C19orf38: variants seen among roughly 807,000 people sequenced by gnomAD.
C19orf38 encodes protein HIDE1.
In C19orf38, 14 loss-of-function variants were observed where a neutral mutation model predicts 26.6. The observed-to-expected ratio is 0.53, with a 90% CI of 0.35 to 0.82. C19orf38 has a LOEUF of 0.82. Ranked by LOEUF, C19orf38 falls within the 40% of genes least tolerant of loss-of-function variation. The pLI, the probability that C19orf38 is intolerant of heterozygous loss-of-function variation, is 0.01. For synonymous variants in C19orf38, 132 were observed against 128.5 expected, an observed-to-expected ratio of 1.03 and a Z score of -0.18; for missense variants, 261 against 299.5, an observed-to-expected ratio of 0.87 and a Z score of 0.95.
chr19:10,867,641 CTTTTTTTTTTT>C (rs953156656), intron 6 of C19orf38, among the ~76,000 whole-genome samples: 45 of 58,824 alleles, frequency 7.6e-4, no homozygotes, highest in South Asian at 2.5e-3. Context: ...GAAGAACATT[CTTTTTTTTTTT>C]TTTTTTTTTT....
intron 2 of C19orf38, among the ~76,000 whole-genome samples, chr19:10,853,679 TC>T (rs1212918902): frequency 7.1e-6 from 1 of 141,756 alleles, no homozygotes; most frequent in Non-Finnish European, 1.5e-5. Context: ...AACCTCTGCC[TC>T]CCGGGTTCAA....
intron 1 of C19orf38, among the ~76,000 whole-genome samples, chr19:10,840,806 C>T (rs1283977945): frequency 1.3e-5 from 2 of 152,180 alleles, no homozygotes; most frequent in African/African-American, 4.8e-5. Flanking sequence ...CGTAAGCCAC[C>T]GCGCCCAGCC....
At chr19:10,859,346 G>T (rs1599668100) in intron 4 of C19orf38, among the ~76,000 whole-genome samples, 1 of 44,116 alleles carries the variant, frequency 2.3e-5, no homozygotes, top group African/African-American at 1.1e-4. Context: ...GTGTGTGTGT[G>T]TGTATATATA....
intron 2 of C19orf38, 71 bp downstream of exon 2, chr19:10,850,638 T>G: frequency 6.8e-7 from 1 of 1,476,924 alleles, no homozygotes; most frequent in South Asian, 1.2e-5. Context: ...TGTGTACTGT[T>G]GACTCAGAGG....
At chr19:10,868,095 A>G (rs188509868) in intron 6 of C19orf38, among the ~76,000 whole-genome samples, 4 of 151,844 alleles carry the variant, frequency 2.6e-5, no homozygotes, top group Non-Finnish European at 5.9e-5. Context: ...TGGGTATGCA[A>G]ATTTCTTTTG....
Position 10,848,488 on chromosome 19 carries a change from C to G in C19orf38, c.-21C>G. On this transcript the variant is annotated 5_prime_UTR_variant, in exon 1 of 7. Transcript: ENST00000397820. ...GGCCCCTCTGGCCTCAGCCGGATTT[C>G]CCAGCCAAACGCAGAGAGAGATGCC... 1 of 1,551,602 alleles carries G rather than the reference C, an allele frequency of 6.4e-7. No homozygotes were observed. The highest frequency in any genetic ancestry group is 1.2e-5 in the South Asian group (1 of 84,060).
At chr19:10,860,518 G>C (rs2073686304) in intron 5 of C19orf38, among the ~76,000 whole-genome samples, 1 of 117,338 alleles carries the variant, frequency 8.5e-6, no homozygotes, top group Non-Finnish European at 1.6e-5. Flanking sequence ...CTGGGCAACA[G>C]AGCCAGACTC....
chr19:10,841,783 G>A lies in C19orf38; in HGVS notation c.-69+5013G>A, dbSNP rs550318809. The A allele has an allele frequency of 4.3e-6, 4 of 936,090 alleles. No homozygotes were observed. The African/African-American group carries it at 4.8e-5, about 11-fold the overall frequency. The allele number at this position is 936,090 out of a possible 1,614,324, so 58.0% of individuals were successfully genotyped here. A position where few individuals can be genotyped will look rare whatever the true frequency, so the allele number is the denominator to read the frequency against. ...AGCCCAGGAGTTCCCGACTAGCCTGGGCAGCATAGTGAGATCCCATCTCCA... is the reference window on the plus strand; with the variant it reads ...AGCCCAGGAGTTCCCGACTAGCCTGAGCAGCATAGTGAGATCCCATCTCCA... On this transcript the variant is annotated intron_variant, in intron 1 of 7. Transcript: ENST00000592854.
rs2073785160 is a variant in C19orf38 at position 10,869,663 on chromosome 19, G to A, written c.*296G>A. The A allele has an allele frequency of 2.5e-6, 1 of 402,088 alleles. No homozygotes were observed. The highest frequency in any genetic ancestry group is 4.4e-6 in the Non-Finnish European group (1 of 225,052). 24.9% of individuals were successfully genotyped at this position (402,088 alleles called of 1,614,324 possible). ...CCCAGCTGGGCCATAAGACGTCCCAGGTCTCTGCACACCCGTGGAATTCCT... is the reference window on the plus strand; with the variant it reads ...CCCAGCTGGGCCATAAGACGTCCCAAGTCTCTGCACACCCGTGGAATTCCT... On this transcript the variant is annotated 3_prime_UTR_variant, in exon 7 of 7. Coordinates refer to ENST00000397820, the MANE Select transcript of C19orf38 (RefSeq NM_001136482.3).
chr19:10,853,021 G>A (rs1393486849), intron 2 of C19orf38, among the ~76,000 whole-genome samples: 1 of 151,004 alleles, frequency 6.6e-6, no homozygotes, highest in Non-Finnish European at 1.5e-5. Flanking sequence ...GATCAGCCTG[G>A]GCAACATAGT....
rs2073480438 is a variant in C19orf38, at chr19:10,841,859, T to TGGGGATTGG, written c.-69+5090_-69+5091insGGGATTGGG. ...TGGGCATGGGAACAATCCCATTTCC[T>TGGGGATTGG]GAGGGAATGGGAGGATCTGTCTACT... On this transcript the variant is annotated intron_variant, in intron 1 of 7. Coordinates refer to the C19orf38 transcript ENST00000592854. 3 of 1,498,098 alleles carry TGGGGATTGG rather than the reference T, an allele frequency of 2.0e-6. No homozygotes were observed. In the African/African-American group the frequency reaches 4.1e-5, roughly 21 times the overall value. 92.8% of individuals were successfully genotyped at this position (1,498,098 alleles called of 1,614,324 possible).
chr19:10,840,675 T>G (rs573819321), intron 1 of C19orf38, among the ~76,000 whole-genome samples: 1 of 152,324 alleles, frequency 6.6e-6, no homozygotes, highest in Non-Finnish European at 1.5e-5. Flanking sequence ...CATGCCACCA[T>G]GCCCAGCTAA....
Position 10,863,226 on chromosome 19 carries a change from T to C in C19orf38, c.543+19T>C, listed in dbSNP as rs370869568. The C allele has an allele frequency of 5.1e-5, 79 of 1,550,070 alleles. 2 individuals are homozygous for C. In the African/African-American group the frequency reaches 7.0e-4, roughly 14 times the overall value. The stretch of plus-strand genomic sequence containing the variant: ...CTCCGCGGTGAGTGGTTCTTTTTCT[T>C]GGAACCGGTTTTCTGCTGACCGTCC... On this transcript the variant is annotated intron_variant, in intron 6 of 6. Coordinates refer to ENST00000397820, the MANE Select transcript of C19orf38 (RefSeq NM_001136482.3).
intron 4 of C19orf38, among the ~76,000 whole-genome samples, chr19:10,858,678 G>A (rs1006958672): frequency 6.6e-6 from 1 of 152,062 alleles, no homozygotes; most frequent in African/African-American, 2.4e-5. Context: ...ACCTCCAGCT[G>A]CCAGAAAACG....
chr19:10,862,812 G>A (rs928111470), intron 5 of C19orf38, among the ~76,000 whole-genome samples: 3 of 151,968 alleles, frequency 2.0e-5, no homozygotes, highest in African/African-American at 2.4e-5. Context: ...CTGGGCAACA[G>A]AGTGAGACTC....
intron 2 of C19orf38, among the ~76,000 whole-genome samples, chr19:10,855,030 C>CTTTTT (rs33999724): frequency 3.3e-4 from 26 of 77,754 alleles, no homozygotes; most frequent in South Asian, 4.9e-4. Context: ...GATATATATT[C>CTTTTT]TTTTTTTTTT....
intron 3 of C19orf38, among the ~76,000 whole-genome samples, chr19:10,857,606 G>A (rs961468540): frequency 6.6e-6 from 1 of 151,344 alleles, no homozygotes; most frequent in Admixed American, 6.6e-5. Flanking sequence ...TGGAGACAGG[G>A]TTTCACCATG....
At chr19:10,863,301 C>T (rs2073721515) in intron 6 of C19orf38, 94 bp downstream of exon 6, 3 of 1,367,166 alleles carry the variant, frequency 2.2e-6, no homozygotes, top group South Asian at 2.5e-5. Context: ...CTAAGTTGAC[C>T]TGCTGTCTCT....
At chr19:10,840,357 C>G (rs2073469955) in intron 1 of C19orf38, among the ~76,000 whole-genome samples, 1 of 152,126 alleles carries the variant, frequency 6.6e-6, no homozygotes, top group Non-Finnish European at 1.5e-5. Context: ...CAGTCTCACT[C>G]CTTCACTTTG....
Sources: allele counts gnomAD v4.1 joint callset (sites outside exome capture counted in the v4.1 genomes callset), GRCh38; gene constraint gnomAD v4.1.1; transcripts MANE v1.5; gene names NCBI Gene and HGNC (gene_info 2026-07-23, HGNC 2026-07-21).